Variants in OTUD5 observed in about 807,000 individuals in gnomAD.
OTUD5 encodes the protein OTU deubiquitinase 5, also known as OTU domain-containing protein 5.
Under a neutral mutation model 36.3 loss-of-function variants are expected in OTUD5, and 2 were observed. The observed-to-expected ratio is 0.06, with a 90% CI of 0.02 to 0.17. The LOEUF is 0.17. Among genes scored for constraint, OTUD5 ranks in the 10% least tolerant of loss-of-function variants. OTUD5 has a pLI of 1.00. For missense variants in OTUD5, 233 were observed against 512.3 expected, an observed-to-expected ratio of 0.45 and a Z score of 5.26; for synonymous variants, 234 against 214.9, an observed-to-expected ratio of 1.09 and a Z score of -0.78.
chrX:48,945,031 A>T (rs1378890398), intron 1 of OTUD5, among the ~76,000 whole-genome samples: 3 of 109,808 alleles, frequency 2.7e-5, no homozygotes, highest in Non-Finnish European at 5.7e-5. Flanking sequence ...CTCAAAAAAA[A>T]AAAAAAGAGA....
chrX:48,948,123 G>A (rs1232877290), intron 1 of OTUD5, among the ~76,000 whole-genome samples: 1 of 112,777 alleles, frequency 8.9e-6, no homozygotes, highest in Middle Eastern at 4.2e-3. Context: ...CAAGGCGGAA[G>A]GATCATCTGA....
chrX:48,957,715 TCGGCGGCGGAGGAGGCGG>T (rs1307524576), upstream of OTUD5: 3 of 785,151 alleles, frequency 3.8e-6, no homozygotes, highest in African/African-American at 7.7e-5. Context: ...TCGAGAACCC[TCGGCGGCGGAGGAGGCGG>T]CGGCGGCGGC....
chrX:48,922,960 G>C lies in OTUD5; in HGVS notation c.*214C>G. Reference sequence around the variant, plus strand: ...TGCGGGATGGGGTGGGGGGCAACAGGGCACATCAGCTGGCAGAGAGACAGG... The same window carrying C: ...TGCGGGATGGGGTGGGGGGCAACAGCGCACATCAGCTGGCAGAGAGACAGG... On this transcript the variant is annotated 3_prime_UTR_variant, in exon 9 of 9. Transcript: ENST00000376488. The C allele has an allele frequency of 2.8e-6, 3 of 1,063,003 alleles. No individual in the cohort carries two copies. Among genetic ancestry groups the C allele is most frequent in the Non-Finnish European group, 3.6e-6 (3 of 823,717 alleles). The allele number at this position is 1,063,003 out of a possible 1,213,427, so 87.6% of individuals were successfully genotyped here. A position where few individuals can be genotyped will look rare whatever the true frequency, so the allele number is the denominator to read the frequency against.
At chrX:48,945,077 C>T (rs898418341) in intron 1 of OTUD5, among the ~76,000 whole-genome samples, 1 of 109,122 alleles carries the variant, frequency 9.2e-6, no homozygotes, top group Non-Finnish European at 1.9e-5. Flanking sequence ...AAACAATGTT[C>T]TCATCTGTGA....
chrX:48,922,902 C>G lies in OTUD5; in HGVS notation c.*272G>C. 1 of 966,479 alleles carries G rather than the reference C, an allele frequency of 1.0e-6. No homozygotes were observed. The allele number at this position is 966,479 out of a possible 1,213,427, so 79.6% of individuals were successfully genotyped here. On this transcript the variant is annotated 3_prime_UTR_variant, in exon 9 of 9. Coordinates refer to ENST00000376488, the MANE Select transcript of OTUD5 (RefSeq NM_001136157.2). ...TCTTGTCTATCTTCGGCACCCTTGC[C>G]CGAGTCCCCTGTGGAATGCAGGGAT...
intron 1 of OTUD5, among the ~76,000 whole-genome samples, chrX:48,946,402 T>C (rs1051440738): frequency 5.4e-5 from 6 of 111,396 alleles, no homozygotes; most frequent in African/African-American, 9.8e-5. Context: ...ACAGAGATTA[T>C]GCACAACTGA....
intron 1 of OTUD5, among the ~76,000 whole-genome samples, chrX:48,955,047 T>C (rs192853759): frequency 1.8e-5 from 2 of 112,026 alleles, no homozygotes; most frequent in East Asian, 5.6e-4. Context: ...GAGAGCCTCA[T>C]GCCCAAGTGG....
At chrX:48,937,515 AT>A (rs1185185095) in intron 2 of OTUD5, among the ~76,000 whole-genome samples, 3 of 112,147 alleles carry the variant, frequency 2.7e-5, no homozygotes, top group Non-Finnish European at 3.8e-5. Flanking sequence ...ATGCAGGAAA[AT>A]GGGGAAAGAG....
In OTUD5 at chrX:48,922,187, C is replaced by T. The variant is rs2063592464; in HGVS notation, c.*987G>A. On this transcript the variant is annotated 3_prime_UTR_variant, in exon 9 of 9. Transcript: ENST00000376488. ...CCCAGAGGCCCGCCCAACCCCTGCC[C>T]CACACAGAACAGAGTCGCTCAGGGA... The T allele has an allele frequency of 8.9e-6, 1 of 112,087 alleles. No homozygotes were observed. Among genetic ancestry groups the T allele is most frequent in the African/African-American group, 3.3e-5 (1 of 30,684 alleles). 9.2% of individuals were successfully genotyped at this position (112,087 alleles called of 1,213,427 possible). A position where few individuals can be genotyped will look rare whatever the true frequency, so the allele number is the denominator to read the frequency against.
chrX:48,957,059 A>T lies in OTUD5; in HGVS notation c.512T>A (p.Val171Asp). The change falls in exon 1 of 9, where the codon GTC becomes GAC. Residue 171 changes from valine to aspartate, a missense_variant. By Grantham distance (152) the Val-to-Asp change is radical (BLOSUM62 -3). Transcript: ENST00000376488. ...GTCCTCACTGTTGTAGCCTGCGCCGACCTCCTCACGCTCGGGACTGCCCCC... is the reference window on the plus strand; with the variant it reads ...GTCCTCACTGTTGTAGCCTGCGCCGTCCTCCTCACGCTCGGGACTGCCCCC... ...VGGGSPEREEVGAGYNSEDEY... is the reference protein window; with the variant it reads ...VGGGSPEREEDGAGYNSEDEY... 1 of 1,190,245 alleles carries T rather than the reference A, an allele frequency of 8.4e-7. No individual in the cohort carries two copies. The highest frequency in any genetic ancestry group is 1.1e-6 in the Non-Finnish European group (1 of 886,337).
At chrX:48,926,203 CTT>C (rs1557047727) in intron 5 of OTUD5, among the ~76,000 whole-genome samples, 153 bp from the exon 6 acceptor site, 11 of 110,861 alleles carry the variant, frequency 9.9e-5, no homozygotes, top group Admixed American at 2.9e-4. Context: ...CAGACTACCT[CTT>C]GATTGGGGAC....
intron 5 of OTUD5, among the ~76,000 whole-genome samples, chrX:48,932,305 A>C (rs2147573835): frequency 9.1e-6 from 1 of 110,286 alleles, no homozygotes; most frequent in Admixed American, 9.8e-5. Flanking sequence ...AGTCTATTAA[A>C]TACAAAAACT....
upstream of OTUD5, chrX:48,957,916 T>C (rs2064286236): frequency 1.5e-5 from 9 of 587,843 alleles, no homozygotes; most frequent in Non-Finnish European, 1.8e-5. Flanking sequence ...AAGCACCTCT[T>C]CGCTCCGCCC....
In OTUD5 at chrX:48,957,043, G is replaced by A. The variant is rs147312607; in HGVS notation, c.528C>T (p.Asn176=). ...PEREEVGAGY[N]SEDEYEAAAA... is the part of the protein sequence containing the mutation. ...CAGCCGCCTCATACTCGTCCTCACT[G>A]TTGTAGCCTGCGCCGACCTCCTCAC... The change falls in exon 1 of 9, where the codon AAC becomes AAT. Residue 176 remains asparagine (N), a synonymous_variant. Coordinates refer to ENST00000376488, the MANE Select transcript of OTUD5 (RefSeq NM_001136157.2). 3 of 1,198,112 alleles carry A rather than the reference G, an allele frequency of 2.5e-6. No individual in the cohort carries two copies. Among genetic ancestry groups the A allele is most frequent in the African/African-American group, 3.5e-5 (2 of 56,799 alleles).
chrX:48,950,813 C>T (rs1015694418), intron 1 of OTUD5, among the ~76,000 whole-genome samples: 17 of 110,122 alleles, frequency 1.5e-4, no homozygotes, highest in African/African-American at 4.6e-4. Context: ...CCACCCGCCT[C>T]GGCCTCCCAA....
chrX:48,957,453 C>T lies in OTUD5; in HGVS notation c.118G>A (p.Gly40Ser). ...CCGCCGCCCACGCCCGTGCCGCCGC[C>T]GCCCACGCCCACACCTCCGCCGCGC... ...PRRGGGVGVG[G>S]GGTGVGGGDR... Residue 40 changes from glycine (G) to serine (S), a missense_variant, in exon 1 of 9, where the codon GGC (glycine) becomes AGC (serine). Gly to Ser is a moderately conservative substitution (Grantham distance 56). This residue lies in a region of OTUD5 where 155 missense variants were observed against 217.2 expected (regional missense o/e 0.71). Transcript: ENST00000376488. 2 of 966,223 alleles carry T rather than the reference C, an allele frequency of 2.1e-6. No individual in the cohort carries two copies. The highest frequency in any genetic ancestry group is 2.6e-6 in the Non-Finnish European group (2 of 770,422). 79.6% of individuals were successfully genotyped at this position (966,223 alleles called of 1,213,427 possible). A position where few individuals can be genotyped will look rare whatever the true frequency, so the allele number is the denominator to read the frequency against.
chrX:48,957,645 TG>T (rs1557056076), upstream of OTUD5: 1 of 789,031 alleles, frequency 1.3e-6, no homozygotes, highest in African/African-American at 2.4e-5. Context: ...AGGGGGCTAG[TG>T]TAGTGCGCGA....
At chrX:48,926,078 T>C (rs781846533) in intron 5 of OTUD5, 28 bp from the exon 6 acceptor site, 1 of 1,134,133 alleles carries the variant, frequency 8.8e-7, no homozygotes, top group African/African-American at 1.8e-5. Context: ...AACAGGGATG[T>C]GCAATAACAC....
intron 1 of OTUD5, among the ~76,000 whole-genome samples, chrX:48,955,865 AC>A (rs782676541): frequency 9.0e-6 from 1 of 111,675 alleles, no homozygotes; most frequent in South Asian, 3.7e-4. Flanking sequence ...CCACTCAGAC[AC>A]CAGCCTTGAG....
Sources: allele counts gnomAD v4.1 joint callset (sites outside exome capture counted in the v4.1 genomes callset), GRCh38; gene constraint gnomAD v4.1.1; regional missense constraint gnomAD v4.1.1; transcripts MANE v1.5; gene names NCBI Gene and HGNC (gene_info 2026-07-23, HGNC 2026-07-21).